Variants in PDE4B observed in about 807,000 individuals in gnomAD.
PDE4B encodes the protein 3',5'-cyclic-AMP phosphodiesterase 4B.
In PDE4B, 20 loss-of-function variants were observed where a neutral mutation model predicts 82.2. The observed-to-expected ratio is 0.24, with a 90% confidence interval of 0.17 to 0.35. The LOEUF (loss-of-function observed/expected upper bound fraction) is 0.35, where lower values mean the gene tolerates loss of function less well. Ranked by LOEUF, PDE4B falls within the 10% of genes least tolerant of loss-of-function variation. PDE4B has a pLI of 1.00. For synonymous variants in PDE4B, 320 were observed against 318.9 expected (o/e 1.00, Z -0.04); for missense variants, 655 against 907.2 (o/e 0.72, Z 3.57).
chr1:66,228,641 A>C (rs906759399), intron 3 of PDE4B, among the ~76,000 whole-genome samples: 1 of 151,568 alleles, frequency 6.6e-6, no homozygotes, highest in African/African-American at 2.4e-5. Flanking sequence ...AAAAAAAAAA[A>C]AACATGCTAT....
chr1:66,007,523 A>G (rs1652218525), intron 3 of PDE4B, among the ~76,000 whole-genome samples: 2 of 152,150 alleles, frequency 1.3e-5, no homozygotes, highest in Admixed American at 1.3e-4. Flanking sequence ...TACCAGGTGG[A>G]AATGATCTAA....
At chr1:65,847,705 A>G (rs772056099) in intron 1 of PDE4B, among the ~76,000 whole-genome samples, 2 of 152,216 alleles carry the variant, frequency 1.3e-5, no homozygotes, top group African/African-American at 2.4e-5. Flanking sequence ...TGTTGAACAC[A>G]TAGAGAACTA....
intron 3 of PDE4B, among the ~76,000 whole-genome samples, chr1:66,157,775 T>C (rs1646529400): frequency 6.6e-6 from 1 of 152,230 alleles, no homozygotes; most frequent in Non-Finnish European, 1.5e-5. Flanking sequence ...TGCTATAATA[T>C]TGTAGGTGTC....
At chr1:66,315,417 C>T (rs926123659) in intron 7 of PDE4B, among the ~76,000 whole-genome samples, 2 of 152,140 alleles carry the variant, frequency 1.3e-5, no homozygotes, top group African/African-American at 4.8e-5. Context: ...GTTCATAAGG[C>T]AAATGTTTAT....
intron 3 of PDE4B, among the ~76,000 whole-genome samples, chr1:65,927,206 A>G (rs1264532694): frequency 6.6e-6 from 1 of 151,826 alleles, no homozygotes; most frequent in Non-Finnish European, 1.5e-5. Flanking sequence ...ATAAGATAAC[A>G]TTGTTTAGTT....
At chr1:66,143,613 T>C (rs1329722840) in intron 3 of PDE4B, among the ~76,000 whole-genome samples, 1 of 152,182 alleles carries the variant, frequency 6.6e-6, no homozygotes, top group African/African-American at 2.4e-5. Context: ...AGGACTCTAA[T>C]TCTAATTTGA....
chr1:66,204,190 C>T (rs1461131305), intron 3 of PDE4B, among the ~76,000 whole-genome samples: 1 of 152,214 alleles, frequency 6.6e-6, no homozygotes, highest in Non-Finnish European at 1.5e-5. Context: ...ATGCTGCTGC[C>T]TGATGGGTCC....
intron 1 of PDE4B, among the ~76,000 whole-genome samples, chr1:65,883,129 G>C (rs1330571019): frequency 6.6e-6 from 1 of 152,086 alleles, no homozygotes; most frequent in Non-Finnish European, 1.5e-5. Context: ...GCTTTGTCTT[G>C]GAAATGCGGG....
At chr1:66,258,666 C>T (rs1654443717) in intron 6 of PDE4B, among the ~76,000 whole-genome samples, 1 of 152,140 alleles carries the variant, frequency 6.6e-6, no homozygotes, top group Non-Finnish European at 1.5e-5. Flanking sequence ...CAACCCCCTC[C>T]CCCCGCATAA....
intron 1 of PDE4B, among the ~76,000 whole-genome samples, chr1:65,882,695 T>C (rs1385950251): frequency 1.3e-5 from 2 of 152,062 alleles, no homozygotes; most frequent in Non-Finnish European, 2.9e-5. Flanking sequence ...TGTGTGTGTG[T>C]GTGTGTGTGT....
chr1:66,247,420 T>A lies in PDE4B; in HGVS notation c.282-40T>A. 2.1e-6 allele frequency: 3 copies of A among 1,432,322 alleles called. 1 individual carries two copies. In the South Asian group the frequency reaches 4.1e-5, roughly 19 times the overall value. 88.7% of individuals were successfully genotyped at this position (1,432,322 alleles called of 1,614,324 possible). A position where few individuals can be genotyped will look rare whatever the true frequency, so the allele number is the denominator to read the frequency against. ...AGTGTATACTATGTGTCCTCCTCCA[T>A]GGTTATCATGTGACCAGAGTTTCCC... On this transcript the variant is annotated intron_variant, in intron 3 of 16. Transcript: ENST00000341517.
intron 3 of PDE4B, among the ~76,000 whole-genome samples, chr1:66,233,090 A>G (rs1418242421): frequency 6.6e-6 from 1 of 152,218 alleles, no homozygotes; most frequent in Non-Finnish European, 1.5e-5. Flanking sequence ...AAATATAGCC[A>G]TCAAACCCAA....
intron 3 of PDE4B, among the ~76,000 whole-genome samples, chr1:65,990,152 T>C (rs1349374101): frequency 2.0e-5 from 3 of 152,156 alleles, no homozygotes; most frequent in Non-Finnish European, 4.4e-5. Flanking sequence ...GCTGTCATAG[T>C]AGGGAAAGTG....
intron 7 of PDE4B, among the ~76,000 whole-genome samples, chr1:66,319,809 A>G (rs574313650): frequency 2.4e-4 from 36 of 152,266 alleles, no homozygotes; most frequent in Non-Finnish European, 4.8e-4. Context: ...TTAGACAACT[A>G]TAAAATGGTA....
At chr1:66,038,057 T>C (rs1288189904) in intron 3 of PDE4B, among the ~76,000 whole-genome samples, 3 of 152,026 alleles carry the variant, frequency 2.0e-5, no homozygotes, top group African/African-American at 7.3e-5. Flanking sequence ...AGGTCATAAG[T>C]ACAGGATAGG....
At chr1:65,941,619 G>T (rs1357395591) in intron 3 of PDE4B, among the ~76,000 whole-genome samples, 1 of 151,998 alleles carries the variant, frequency 6.6e-6, no homozygotes, top group East Asian at 1.9e-4. Flanking sequence ...GTCCTTGGGA[G>T]ATTCAAATAC....
At chr1:65,855,998 G>A (rs1453656549) in intron 1 of PDE4B, among the ~76,000 whole-genome samples, 1 of 152,028 alleles carries the variant, frequency 6.6e-6, no homozygotes, top group Non-Finnish European at 1.5e-5. Flanking sequence ...GAGACTACAT[G>A]TGGGCTCATT....
Position 66,021,556 on chromosome 1 carries a change from C to T in PDE4B, c.281+102721C>T, listed in dbSNP as rs560226712. ...ATATCGCTAGGCAGTTTTCCCAGCA[C>T]CATTTATTAAATAGGGAATCCTTTC... On this transcript the variant is annotated intron_variant, in intron 3 of 16. Transcript: ENST00000341517. 2.0e-5 allele frequency among the ~76,000 whole-genome samples: 3 copies of T among 152,252 alleles called. No individual in the cohort carries two copies. The East Asian group carries it at 5.8e-4, about 29-fold the overall frequency.
chr1:66,352,790 C>A (rs1425035770), intron 8 of PDE4B, among the ~76,000 whole-genome samples: 2 of 151,804 alleles, frequency 1.3e-5, no homozygotes, highest in East Asian at 1.9e-4. Context: ...TTGGCAAATA[C>A]GTGAAAAAAG....
Sources: allele counts gnomAD v4.1 joint callset (sites outside exome capture counted in the v4.1 genomes callset), GRCh38; gene constraint gnomAD v4.1.1; transcripts MANE v1.5; gene names NCBI Gene and HGNC (gene_info 2026-07-23, HGNC 2026-07-21).